Variants in CD36 observed in about 807,000 individuals in gnomAD.
CD36 encodes CD36 molecule (CD36 blood group).
CD36 carries 119 observed loss-of-function variants against 55.2 expected under a neutral mutation model. That is an observed-to-expected ratio of 2.15 (90% CI 1.86 to 2.51). CD36 has a LOEUF of 2.51. Among genes scored for constraint, CD36 ranks in the 30% most tolerant of loss-of-function variants. The pLI is 0.00. For synonymous variants in CD36, 186 were observed against 193.6 expected (o/e 0.96, Z 0.33); for missense variants, 819 against 555.5 (o/e 1.47, Z -4.77).
chr7:80,672,353 T>G lies in CD36; in HGVS notation c.1125+313T>G, dbSNP rs374577666. Reference sequence around the variant, plus strand: ...ATAAAATTGTTGTAGCGCAACAGTTTTAATCATCTTTATTTTTGTATTTTC... The same window carrying G: ...ATAAAATTGTTGTAGCGCAACAGTTGTAATCATCTTTATTTTTGTATTTTC... On this transcript the variant is annotated intron_variant, in intron 11 of 14. Coordinates refer to ENST00000447544, the MANE Select transcript of CD36 (RefSeq NM_001001548.3). 4.6e-5 allele frequency among the ~76,000 whole-genome samples: 7 copies of G among 151,966 alleles called. No individual in the cohort carries two copies. In the East Asian group the frequency reaches 7.7e-4, roughly 17 times the overall value.
At chr7:80,645,105 C>CCGCCT (rs913979913) in intron 1 of CD36, among the ~76,000 whole-genome samples, 36 of 151,560 alleles carry the variant, frequency 2.4e-4, no homozygotes, top group African/African-American at 8.5e-4. Context: ...ACCGCAACCT[C>CCGCCT]CGCCTCCTGG....
At position 80,673,362 on chromosome 7, in the gene CD36, AAGAATCTGAAGAGGAACT is replaced by A; in HGVS notation, c.1209_1226del (p.Lys403_Tyr409delinsAsn). On this transcript the variant is annotated inframe_deletion, in exon 13 of 15. Transcript: ENST00000447544. Reference sequence around the variant, plus strand: ...TTTCAACGTATATTACAGAGTATTAAAGAATCTGAAGAGGAACTATATTGTGCCTATTCTTTGGCTTAA... The same window carrying A: ...TTTCAACGTATATTACAGAGTATTAAATATTGTGCCTATTCTTTGGCTTAA... The A allele has an allele frequency of 6.8e-7, 1 of 1,473,476 alleles. No individual in the cohort carries two copies. The highest frequency in any genetic ancestry group is 1.4e-5 in the African/African-American group (1 of 72,228). 91.3% of individuals were successfully genotyped at this position (1,473,476 alleles called of 1,614,324 possible).
chr7:80,612,656 TAGA>T (rs1204812139), intron 1 of CD36, among the ~76,000 whole-genome samples: 3 of 152,178 alleles, frequency 2.0e-5, no homozygotes, highest in Non-Finnish European at 2.9e-5. Context: ...CCACCTGAAA[TAGA>T]AGAGATAATC....
At chr7:80,627,874 A>C (rs941163431) in intron 1 of CD36, among the ~76,000 whole-genome samples, 2 of 152,106 alleles carry the variant, frequency 1.3e-5, no homozygotes, top group Non-Finnish European at 2.9e-5. Flanking sequence ...CATGTCATTC[A>C]TTCTTGTATT....
chr7:80,627,568 C>T (rs1386113362), intron 1 of CD36, among the ~76,000 whole-genome samples: 1 of 151,440 alleles, frequency 6.6e-6, no homozygotes, highest in African/African-American at 2.4e-5. Flanking sequence ...ATCAAGGGAT[C>T]ATGTGTGTTA....
In CD36 at chr7:80,676,506, A is replaced by T. The variant is rs1213003259; in HGVS notation, c.*123A>T. 1.3e-5 allele frequency: 2 copies of T among 152,206 alleles called. No homozygotes were observed. Among genetic ancestry groups the T allele is most frequent in the Non-Finnish European group, 2.9e-5 (2 of 68,064 alleles). 9.4% of individuals were successfully genotyped at this position (152,206 alleles called of 1,614,324 possible). A position where few individuals can be genotyped will look rare whatever the true frequency, so the allele number is the denominator to read the frequency against. On this transcript the variant is annotated 3_prime_UTR_variant, in exon 15 of 15. Transcript: ENST00000447544. ...TAGGCCCTGCATTCCTGTCATCCTC[A>T]TCCGGGGGAAACACCATCATCCCAG...
chr7:80,672,574 T>G (rs990338537), intron 11 of CD36, among the ~76,000 whole-genome samples, 196 bp from the exon 12 acceptor site: 5 of 151,876 alleles, frequency 3.3e-5, no homozygotes, highest in Admixed American at 2.6e-4. Context: ...GACATTCGAT[T>G]GGGCAAATAA....
chr7:80,640,039 C>G (rs1429639604), intron 1 of CD36: 1 of 151,892 alleles, frequency 6.6e-6, no homozygotes, highest in Non-Finnish European at 1.5e-5. Context: ...CATTTGAACC[C>G]TGCATGTGTG....
chr7:80,655,870 A>G (rs1198833934), intron 3 of CD36, among the ~76,000 whole-genome samples: 1 of 151,756 alleles, frequency 6.6e-6, no homozygotes, highest in Non-Finnish European at 1.5e-5. Context: ...GCAAGGAGCC[A>G]AGATTGTACC....
intron 4 of CD36, among the ~76,000 whole-genome samples, chr7:80,659,827 T>G (rs1796385616): frequency 6.6e-6 from 1 of 152,190 alleles, no homozygotes; most frequent in Admixed American, 6.5e-5. Flanking sequence ...TTTCAGATTT[T>G]TATATTCTTT....
chr7:80,628,156 T>A (rs2366856), intron 1 of CD36, among the ~76,000 whole-genome samples: 1 of 151,946 alleles, frequency 6.6e-6, no homozygotes, highest in South Asian at 2.1e-4. Context: ...ATACATGCAT[T>A]TCTTTTAAAA....
intron 8 of CD36, among the ~76,000 whole-genome samples, chr7:80,667,754 T>TGTTTTTTG (rs1554344795): frequency 7.8e-6 from 1 of 128,726 alleles, no homozygotes; most frequent in Non-Finnish European, 1.6e-5. Flanking sequence ...TTTGTTTTTT[T>TGTTTTTTG]TTTTTTTTTT....
chr7:80,622,689 A>G (rs1184840557), intron 1 of CD36, among the ~76,000 whole-genome samples: 2 of 152,212 alleles, frequency 1.3e-5, no homozygotes, highest in Non-Finnish European at 2.9e-5. Flanking sequence ...GAAGTAGGGG[A>G]AAGTTCCTTA....
intron 1 of CD36, among the ~76,000 whole-genome samples, chr7:80,623,518 GTATT>G (rs1271243152): frequency 6.6e-6 from 1 of 152,098 alleles, no homozygotes; most frequent in East Asian, 1.9e-4. Context: ...TTTTTAGGGT[GTATT>G]TATTTTTGTT....
chr7:80,671,090 G>C lies in CD36; in HGVS notation c.932G>C (p.Cys311Ser), dbSNP rs567491856. ...CCAGTTGAAAACCCAGACAACTATTGTTTCTGCACAGAAAAAATTATCTCA... is the reference window on the plus strand; with the variant it reads ...CCAGTTGAAAACCCAGACAACTATTCTTTCTGCACAGAAAAAATTATCTCA... ...ASPVENPDNYCFCTEKIISKN... is the reference protein window; with the variant it reads ...ASPVENPDNYSFCTEKIISKN... Residue 311 changes from cysteine (C) to serine (S), a missense_variant, in exon 10 of 15, where the codon TGT (cysteine) becomes TCT (serine). Physicochemically the swap from Cys to Ser is moderately radical, Grantham distance 112 (BLOSUM62 -1). Transcript: ENST00000447544. The C allele has an allele frequency of 6.2e-7, 1 of 1,612,676 alleles. No homozygotes were observed. Among genetic ancestry groups the C allele is most frequent in the Admixed American group, 1.7e-5 (1 of 59,984 alleles).
At chr7:80,672,295 ATG>A (rs1427937339) in intron 11 of CD36, among the ~76,000 whole-genome samples, 1 of 151,822 alleles carries the variant, frequency 6.6e-6, no homozygotes, top group African/African-American at 2.4e-5. Flanking sequence ...CAAAGAGTAT[ATG>A]TGAGTTTGAC....
chr7:80,622,906 G>C (rs186238798), intron 1 of CD36, among the ~76,000 whole-genome samples: 2 of 152,172 alleles, frequency 1.3e-5, no homozygotes, highest in East Asian at 3.9e-4. Flanking sequence ...GGTTGTCTTG[G>C]TAAATATTGG....
chr7:80,604,350 A>ATTT lies in CD36; in HGVS notation c.-184+2009_-184+2011dup, dbSNP rs67213422. On this transcript the variant is annotated intron_variant, in intron 1 of 13. Coordinates refer to the CD36 transcript ENST00000309881. ...TACAGTAATTGGCTAAGCCACTGGA[A>ATTT]TTTTTTTTTTTTTTTTTTTTTTTTT... is the stretch of plus-strand genomic sequence containing the variant. Among the ~76,000 whole-genome samples the ATTT allele has an allele frequency of 2.6e-3, 139 of 54,286 alleles. 21 individuals are homozygous for ATTT. The highest frequency in any genetic ancestry group is 0.056 in the Middle Eastern group (2 of 36). The allele number at this position is 54,286 out of a possible 152,430, so 35.6% of individuals were successfully genotyped here. A position where few individuals can be genotyped will look rare whatever the true frequency, so the allele number is the denominator to read the frequency against.
chr7:80,607,376 T>C (rs7778263), intron 1 of CD36, among the ~76,000 whole-genome samples: 284 of 152,348 alleles, frequency 1.9e-3, no homozygotes, highest in African/African-American at 6.7e-3. Flanking sequence ...ACGTCTACTT[T>C]CAGCTGCTCT....
Sources: gnomAD v4.1 joint callset for allele counts (sites outside exome capture counted in the v4.1 genomes callset) on GRCh38, gnomAD v4.1.1 for gene constraint, MANE v1.5 for transcripts, NCBI Gene and HGNC (gene_info 2026-07-23, HGNC 2026-07-21) for gene names.